DVL3: variants seen among roughly 807,000 people sequenced by gnomAD.
The protein encoded by DVL3 is dishevelled segment polarity protein 3.
A neutral mutation model predicts 67.4 loss-of-function variants in DVL3; 27 were observed. The observed-to-expected ratio is 0.40, with a 90% CI of 0.30 to 0.55. DVL3 has a LOEUF of 0.55. Ranked by LOEUF, DVL3 falls within the 20% of genes least tolerant of loss-of-function variation. The pLI is 0.46. For synonymous variants in DVL3, 369 were observed against 396.8 expected, an observed-to-expected ratio of 0.93 and a Z score of 0.83; for missense variants, 819 against 1,021.5, an observed-to-expected ratio of 0.80 and a Z score of 2.70.
At position 184,167,104 on chromosome 3, in the gene DVL3, A is replaced by G. The variant is rs1474543375; in HGVS notation, c.1198+129A>G. ...AGATGGGGCTCGGCTCATTCCAGCA[A>G]CCCCACACTGCAACTCCCCCACAGC... On this transcript the variant is annotated intron_variant, in intron 11 of 14. Transcript: ENST00000313143. This position sits in a 1 kb window ranked among gnomAD's most constrained non-coding sequence, Gnocchi z 4.6. The G allele has an allele frequency of 2.5e-6, 3 of 1,191,560 alleles. No individual in the cohort carries two copies. The highest frequency in any genetic ancestry group is 2.9e-5 in the South Asian group (2 of 69,308). The allele number at this position is 1,191,560 out of a possible 1,614,324, so 73.8% of individuals were successfully genotyped here. A position where few individuals can be genotyped will look rare whatever the true frequency, so the allele number is the denominator to read the frequency against.
Position 184,168,066 on chromosome 3 carries a change from G to A in DVL3, c.1498+1G>A, listed in dbSNP as rs2109022768. 1 of 1,613,006 alleles carries A rather than the reference G, an allele frequency of 6.2e-7. No homozygotes were observed. Among genetic ancestry groups the A allele is most frequent in the Middle Eastern group, 1.7e-4 (1 of 6,056 alleles). On this transcript the variant is annotated splice_donor_variant, in intron 13 of 14. Transcript: ENST00000313143. LOFTEE classifies it high-confidence loss of function. The stretch of plus-strand genomic sequence containing the variant: ...TACATCTTCGGTGACCTCTGCGGCA[G>A]TATGTGCCTCCCTCATCTTCTTGCC...
Position 184,163,854 on chromosome 3 carries a change from G to T in DVL3, c.231+128G>T. ...TGAATCTTTCTTTAGTTTTGCAAAT[G>T]AACTGCTTCTCACCCCAGATTCTGT... is the stretch of plus-strand genomic sequence containing the variant. On this transcript the variant is annotated intron_variant, in intron 2 of 14. Transcript: ENST00000313143. This position sits in a 1 kb window ranked among gnomAD's most constrained non-coding sequence, Gnocchi z 4.5. 1 of 796,226 alleles carries T rather than the reference G, an allele frequency of 1.3e-6. No individual in the cohort carries two copies. Among genetic ancestry groups the T allele is most frequent in the South Asian group, 1.7e-5 (1 of 58,940 alleles). The allele number at this position is 796,226 out of a possible 1,614,324, so 49.3% of individuals were successfully genotyped here. A position where few individuals can be genotyped will look rare whatever the true frequency, so the allele number is the denominator to read the frequency against.
At chr3:184,156,415 C>G (rs1205065842) in intron 1 of DVL3, 1 of 456,740 alleles carries the variant, frequency 2.2e-6, no homozygotes, top group East Asian at 6.9e-5. Context: ...AACAGAGAGC[C>G]TGACCCCTGC....
chr3:184,162,428 C>T (rs1714413303), intron 1 of DVL3, among the ~76,000 whole-genome samples: 1 of 152,140 alleles, frequency 6.6e-6, no homozygotes, highest in Non-Finnish European at 1.5e-5. Flanking sequence ...TCAAGCGATC[C>T]TCCTGCCTTG....
At chr3:184,159,850 C>A (rs531585166) in intron 1 of DVL3, among the ~76,000 whole-genome samples, 1 of 152,308 alleles carries the variant, frequency 6.6e-6, no homozygotes, top group East Asian at 1.9e-4. Flanking sequence ...AGAAAACCTA[C>A]AATAGCAAGC....
chr3:184,169,597 A>G (rs1714730860), intron 13 of DVL3, among the ~76,000 whole-genome samples: 1 of 152,164 alleles, frequency 6.6e-6, no homozygotes, highest in Non-Finnish European at 1.5e-5. Context: ...CTGAGGCAGG[A>G]GAATCGCTTA....
Position 184,166,390 on chromosome 3 carries a change from T to C in DVL3, c.904-56T>C. The C allele has an allele frequency of 6.2e-7, 1 of 1,612,320 alleles. No homozygotes were observed. The highest frequency in any genetic ancestry group is 1.7e-5 in the Admixed American group (1 of 59,996). ...AGACTCCCTGACCTACCAAGTTGAG[T>C]TCCCTTTTCATCCTCCCCAGCACAG... On this transcript the variant is annotated intron_variant, in intron 8 of 14. Coordinates refer to ENST00000313143, the MANE Select transcript of DVL3 (RefSeq NM_004423.4). The surrounding 1 kb of genome is among the most constrained non-coding windows in gnomAD (Gnocchi z 6.7).
In DVL3 at chr3:184,167,827, CA is replaced by C. The variant is rs1012107676; in HGVS notation, c.1331-70del. 3.1e-6 allele frequency: 5 copies of C among 1,610,396 alleles called. No homozygotes were observed. The African/African-American group carries it at 6.7e-5, about 22-fold the overall frequency. On this transcript the variant is annotated intron_variant, in intron 12 of 14. Coordinates refer to ENST00000313143, the MANE Select transcript of DVL3 (RefSeq NM_004423.4). The surrounding 1 kb of genome is among the most constrained non-coding windows in gnomAD (Gnocchi z 4.6). ...TTTGATCTGGAGCCAGCCCCAGCCTCATAGCTTCTGTGAGGCCAGATGAGTC... is the reference window on the plus strand; with the variant it reads ...TTTGATCTGGAGCCAGCCCCAGCCTCTAGCTTCTGTGAGGCCAGATGAGTC...
Position 184,170,729 on chromosome 3 carries a change from A to T in DVL3, c.2125A>T (p.Ser709Cys). The change falls in exon 15 of 15, where the codon AGT (serine) becomes TGT (cysteine). Residue 709 changes from serine to cysteine, a missense_variant. Physicochemically the swap from Ser to Cys is moderately radical, Grantham distance 112. This residue lies in a region of DVL3 where 324 missense variants were observed against 331.3 expected (regional missense o/e 0.98). Transcript: ENST00000313143. The surrounding 1 kb of genome is among the most constrained non-coding windows in gnomAD (Gnocchi z 6.5). The stretch of plus-strand genomic sequence containing the variant: ...CTTCCGCATGGCCATGGGAAACCCC[A>T]GTGAGTTCTTTGTGGATGTGATGTG... Reference protein sequence around the residue: ...QSFRMAMGNPSEFFVDVM With the variant: ...QSFRMAMGNPCEFFVDVM 1 of 1,613,560 alleles carries T rather than the reference A, an allele frequency of 6.2e-7. No individual in the cohort carries two copies. The highest frequency in any genetic ancestry group is 8.5e-7 in the Non-Finnish European group (1 of 1,179,900).
rs1480257043 is a variant in DVL3, at chr3:184,170,338, C to T, written c.1734C>T (p.Ser578=). Residue 578 remains serine (S), a synonymous_variant, in exon 15 of 15, where the codon TCC becomes TCT. Transcript: ENST00000313143. The surrounding 1 kb of genome is among the most constrained non-coding windows in gnomAD (Gnocchi z 6.5). ...CTACAGGCAGTCGGAGCAGTGGCTC[C>T]AACCGTAGCGGCAGCGATCGGAGGA... is the stretch of plus-strand genomic sequence containing the variant. ...QHSEGSRSSG[S]NRSGSDRRKE... is the part of the protein sequence containing the mutation. 3.1e-6 allele frequency: 5 copies of T among 1,604,274 alleles called. No individual in the cohort carries two copies. Among genetic ancestry groups the T allele is most frequent in the Non-Finnish European group, 4.3e-6 (5 of 1,175,850 alleles).
At position 184,170,138 on chromosome 3, in the gene DVL3, C is replaced by T. The variant is rs201330662; in HGVS notation, c.1631C>T (p.Pro544Leu). 4 of 1,611,800 alleles carry T rather than the reference C, an allele frequency of 2.5e-6. No individual in the cohort carries two copies. The highest frequency in any genetic ancestry group is 2.5e-6 in the Non-Finnish European group (3 of 1,179,972). Residue 544 changes from proline (P) to leucine (L), a missense_variant, in exon 14 of 15, where the codon CCG (proline) becomes CTG (leucine). By Grantham distance (98) the Pro-to-Leu change is moderately conservative (BLOSUM62 -3). Around this residue, in one of 3 missense-constraint regions of DVL3, gnomAD observed 324 missense variants for 331.3 expected, o/e 0.98. Transcript: ENST00000313143. This position sits in a 1 kb window ranked among gnomAD's most constrained non-coding sequence, Gnocchi z 6.5. Reference protein sequence around the residue: ...MAFPYQYPPPPHPYNPHPGFP... With the variant: ...MAFPYQYPPPLHPYNPHPGFP... Reference sequence around the variant, plus strand: ...TTCCCGTACCAGTACCCGCCACCCCCGCACCCATACAACCCGCACCCGGGC... The same window carrying T: ...TTCCCGTACCAGTACCCGCCACCCCTGCACCCATACAACCCGCACCCGGGC...
Position 184,173,216 on chromosome 3 carries a change from T to TA in DVL3, c.*2462dup, listed in dbSNP as rs1714909108. On this transcript the variant is annotated 3_prime_UTR_variant, in exon 15 of 15. Transcript: ENST00000313143. ...GTTCCTCCTGAATTCCTCTCCTGGT[T>TA]ACTTCATCACAATCTACATAGGCTC... 1 of 152,340 alleles carries TA rather than the reference T, an allele frequency of 6.6e-6. No homozygotes were observed. Among genetic ancestry groups the TA allele is most frequent in the East Asian group, 1.9e-4 (1 of 5,206 alleles). The allele number at this position is 152,340 out of a possible 1,614,324, so 9.4% of individuals were successfully genotyped here.
At chr3:184,169,683 G>A (rs907968078) in intron 13 of DVL3, among the ~76,000 whole-genome samples, 21 of 152,204 alleles carry the variant, frequency 1.4e-4, no homozygotes, top group African/African-American at 5.1e-4. Flanking sequence ...GCAAGACTCC[G>A]TCTCAAAGAG....
Position 184,171,650 on chromosome 3 carries a change from A to T in DVL3, c.*895A>T. ...CCGAGGAGACCAGGAACCCTGCTTC[A>T]GCAGCCCCTCAGGGCTTCCCAAGGA... On this transcript the variant is annotated 3_prime_UTR_variant, in exon 15 of 15. Transcript: ENST00000313143. 1 of 964,716 alleles carries T rather than the reference A, an allele frequency of 1.0e-6. No individual in the cohort carries two copies. Among genetic ancestry groups the T allele is most frequent in the Non-Finnish European group, 1.2e-6 (1 of 810,676 alleles). The allele number at this position is 964,716 out of a possible 1,614,324, so 59.8% of individuals were successfully genotyped here.
chr3:184,164,882 C>T lies in DVL3; in HGVS notation c.550C>T (p.Leu184=). The T allele has an allele frequency of 6.2e-7, 1 of 1,614,230 alleles. No individual in the cohort carries two copies. The highest frequency in any genetic ancestry group is 8.5e-7 in the Non-Finnish European group (1 of 1,180,036). The change falls in exon 5 of 15, where the codon CTG becomes TTG. Residue 184 remains leucine, a synonymous_variant. Coordinates refer to ENST00000313143, the MANE Select transcript of DVL3 (RefSeq NM_004423.4). This position sits in a 1 kb window ranked among gnomAD's most constrained non-coding sequence, Gnocchi z 5.3. ...CTCATCCACCCTTATGAGCAGTGAG[C>T]TGGAGACCACCAGCTTCTTTGACTC... ...DSSSTLMSSE[L]ETTSFFDSDE...
chr3:184,156,747 GGAGA>G, intron 1 of DVL3: 3 of 280,608 alleles, frequency 1.1e-5, no homozygotes, highest in Non-Finnish European at 2.1e-5. Context: ...CCAACTCCCA[GGAGA>G]CTGGGGGAGG....
Position 184,170,678 on chromosome 3 carries a change from C to T in DVL3, c.2074C>T (p.Pro692Ser), listed in dbSNP as rs1310509004. Reference sequence around the variant, plus strand: ...GGGCCGCGACCTGGCCTCAGTGCCCCCGGAACTGACCGCCAGCAGACAGTC... The same window carrying T: ...GGGCCGCGACCTGGCCTCAGTGCCCTCGGAACTGACCGCCAGCAGACAGTC... ...PPGRDLASVP[P>S]ELTASRQSFR... The change falls in exon 15 of 15, where the codon CCG becomes TCG. Residue 692 changes from proline to serine, a missense_variant. This residue lies in a region of DVL3 where 324 missense variants were observed against 331.3 expected (regional missense o/e 0.98). Coordinates refer to ENST00000313143, the MANE Select transcript of DVL3 (RefSeq NM_004423.4). This position sits in a 1 kb window ranked among gnomAD's most constrained non-coding sequence, Gnocchi z 6.5. 7 of 1,613,482 alleles carry T rather than the reference C, an allele frequency of 4.3e-6. No homozygotes were observed. Among genetic ancestry groups the T allele is most frequent in the Admixed American group, 3.3e-5 (2 of 59,978 alleles).
chr3:184,162,392 C>T (rs1282974780), intron 1 of DVL3, among the ~76,000 whole-genome samples: 1 of 151,890 alleles, frequency 6.6e-6, no homozygotes, highest in Non-Finnish European at 1.5e-5. Flanking sequence ...GCTATGTTGA[C>T]CAGGCAGGTC....
chr3:184,170,761 G>T lies in DVL3; in HGVS notation c.*6G>T, dbSNP rs1714802420. The T allele has an allele frequency of 6.2e-7, 1 of 1,612,796 alleles. No homozygotes were observed. Among genetic ancestry groups the T allele is most frequent in the Non-Finnish European group, 8.5e-7 (1 of 1,179,818 alleles). On this transcript the variant is annotated 3_prime_UTR_variant, in exon 15 of 15. Coordinates refer to ENST00000313143, the MANE Select transcript of DVL3 (RefSeq NM_004423.4). The surrounding 1 kb of genome is among the most constrained non-coding windows in gnomAD (Gnocchi z 6.5). ...TCTTTGTGGATGTGATGTGAGCAGG[G>T]CCCCTCCCCCAGCTCCATTCCGCTC...
Sources: gnomAD v4.1 joint callset for allele counts (sites outside exome capture counted in the v4.1 genomes callset) on GRCh38, gnomAD v4.1.1 for gene constraint, gnomAD v4.1.1 regional missense constraint, Gnocchi (gnomAD v3.1) non-coding constraint, MANE v1.5 for transcripts, NCBI Gene and HGNC (gene_info 2026-07-23, HGNC 2026-07-21) for gene names.